The following ROBO1 variants were observed in gnomAD, a reference collection of about 807,000 sequenced individuals.
ROBO1 encodes the protein roundabout guidance receptor 1.
ROBO1 carries 149 observed loss-of-function variants against 195.9 expected under a neutral mutation model. The observed-to-expected ratio is 0.76, with a 90% CI of 0.67 to 0.87. The LOEUF (loss-of-function observed/expected upper bound fraction) is 0.87, where lower values mean the gene tolerates loss of function less well. ROBO1 is among the 40% of genes least tolerant of loss of function. The probability of loss-of-function intolerance (pLI) is 0.00; values close to 1 mark genes in which losing one functional copy is unlikely to be tolerated. For missense variants in ROBO1, 1,933 were observed against 2,068.3 expected (o/e 0.93, Z 1.27); for synonymous variants, 816 against 733.2 (o/e 1.11, Z -1.82).
intron 2 of ROBO1, among the ~76,000 whole-genome samples, chr3:79,482,394 A>G (rs1328028826): frequency 6.6e-6 from 1 of 152,130 alleles, no homozygotes; most frequent in East Asian, 1.9e-4. Context: ...AGTTTCCCCC[A>G]TACTGTTCTC....
intron 2 of ROBO1, among the ~76,000 whole-genome samples, chr3:79,221,926 T>C (rs966960825): frequency 6.6e-6 from 1 of 152,110 alleles, no homozygotes; most frequent in African/African-American, 2.4e-5. Flanking sequence ...TGTTCAAATA[T>C]ACAGAGTTTT....
intron 4 of ROBO1, among the ~76,000 whole-genome samples, chr3:78,908,949 A>G (rs1035600419): frequency 6.6e-6 from 1 of 151,888 alleles, no homozygotes; most frequent in African/African-American, 2.4e-5. Context: ...ATACTGATAA[A>G]AGCACTAAAA....
chr3:79,463,681 T>A lies in ROBO1; in HGVS notation c.88+126143A>T, dbSNP rs1937783909. On this transcript the variant is annotated intron_variant, in intron 2 of 30. Transcript: ENST00000464233. The stretch of plus-strand genomic sequence containing the variant: ...AAACAGTGAATAATCCTTCAGTCCA[T>A]GTTAATAATTGTTCTCATTAAAGGA... Among the ~76,000 whole-genome samples the A allele has an allele frequency of 2.6e-5, 4 of 152,240 alleles. No homozygotes were observed. In the South Asian group the frequency reaches 8.3e-4, roughly 31 times the overall value.
At chr3:78,626,928 A>G (rs1369358982) in intron 26 of ROBO1, among the ~76,000 whole-genome samples, 1 of 152,120 alleles carries the variant, frequency 6.6e-6, no homozygotes, top group Admixed American at 6.6e-5. Flanking sequence ...TTAATTTTAA[A>G]AGACAGGAGA....
intron 5 of ROBO1, among the ~76,000 whole-genome samples, chr3:78,738,113 T>C (rs1408216173): frequency 6.6e-6 from 1 of 152,084 alleles, no homozygotes; most frequent in East Asian, 1.9e-4. Flanking sequence ...GAGAAGCAGA[T>C]GGCGTAGGAA....
intron 2 of ROBO1, among the ~76,000 whole-genome samples, chr3:79,330,273 GTATATATATATATATA>G (rs34794861): frequency 7.3e-6 from 1 of 137,860 alleles, no homozygotes; most frequent in African/African-American, 2.6e-5. Context: ...GTATATATAT[GTATATATATATATATA>G]TATAAAGAAT....
rs984191274 is a variant in ROBO1 at position 79,014,281 on chromosome 3, C to G, written c.173-75354G>C. Among the ~76,000 whole-genome samples the G allele has an allele frequency of 2.6e-5, 4 of 151,986 alleles. No homozygotes were observed. In the South Asian group the frequency reaches 8.3e-4, roughly 32 times the overall value. ...GGTCAGGAGTTTGAGACCAGCCTGG[C>G]CAACACAGTGAAAACCCATCTCTAC... On this transcript the variant is annotated intron_variant, in intron 3 of 30. Transcript: ENST00000464233.
intron 2 of ROBO1, among the ~76,000 whole-genome samples, chr3:79,176,080 G>T (rs1013832340): frequency 5.8e-4 from 88 of 152,236 alleles, no homozygotes; most frequent in African/African-American, 2.0e-3. Context: ...TGAAAAAAGG[G>T]AACTGAGCCA....
At chr3:79,334,311 AAT>A (rs367879037) in intron 2 of ROBO1, among the ~76,000 whole-genome samples, 65 of 131,730 alleles carry the variant, frequency 4.9e-4, no homozygotes, top group South Asian at 9.6e-4. Flanking sequence ...AAAAAAAAAA[AAT>A]ATATATATAT....
chr3:79,579,862 C>T (rs185608471), intron 2 of ROBO1, among the ~76,000 whole-genome samples: 1 of 152,016 alleles, frequency 6.6e-6, no homozygotes, highest in Admixed American at 6.6e-5. Context: ...ACCTATGGCT[C>T]CAGTGAGCAA....
At chr3:79,288,320 G>A (rs1243180359) in intron 2 of ROBO1, among the ~76,000 whole-genome samples, 1 of 152,042 alleles carries the variant, frequency 6.6e-6, no homozygotes, top group Non-Finnish European at 1.5e-5. Flanking sequence ...TACCAGCTTT[G>A]ATGGTATATC....
chr3:78,803,362 T>C (rs1157883529), intron 4 of ROBO1, among the ~76,000 whole-genome samples: 3 of 152,132 alleles, frequency 2.0e-5, no homozygotes, highest in Non-Finnish European at 4.4e-5. Context: ...CTGCACCACA[T>C]ACCCCATACC....
intron 27 of ROBO1, among the ~76,000 whole-genome samples, chr3:78,616,343 G>T (rs1011892193): frequency 1.3e-5 from 2 of 152,086 alleles, no homozygotes; most frequent in African/African-American, 4.8e-5. Flanking sequence ...GGTTTGCATA[G>T]TTTATTACAT....
intron 1 of ROBO1, among the ~76,000 whole-genome samples, chr3:79,643,909 C>A (rs1355196679): frequency 6.6e-6 from 1 of 151,942 alleles, no homozygotes; most frequent in Non-Finnish European, 1.5e-5. Context: ...AATAAAAAAA[C>A]GTAGGATGAA....
chr3:78,896,789 G>A (rs534406702), intron 4 of ROBO1, among the ~76,000 whole-genome samples: 7 of 151,796 alleles, frequency 4.6e-5, no homozygotes, highest in African/African-American at 7.2e-5. Flanking sequence ...TTTCTAGCCA[G>A]TTTCTTGTAT....
In ROBO1 at chr3:79,699,083, T is replaced by TTATA. The variant is rs151108197; in HGVS notation, c.-51+68665_-51+68668dup. ...ATAACTAAGATATATATTTATTAAT[T>TTATA]TATATATATATATATGACATTAACA... is the stretch of plus-strand genomic sequence containing the variant. On this transcript the variant is annotated intron_variant, in intron 1 of 30. Coordinates refer to ENST00000464233, the MANE Select transcript of ROBO1 (RefSeq NM_002941.4). Among the ~76,000 whole-genome samples the TTATA allele has an allele frequency of 4.7e-3, 696 of 147,424 alleles. 3 individuals are homozygous for TTATA. The highest frequency in any genetic ancestry group is 8.4e-3 in the East Asian group (42 of 4,974).
In ROBO1 at chr3:78,944,822, C is replaced by A. The variant is rs368981615; in HGVS notation, c.173-5895G>T. On this transcript the variant is annotated intron_variant, in intron 3 of 30. Transcript: ENST00000464233. Reference sequence around the variant, plus strand: ...TCGGGTCACTCCCACCCTAATACTGCGCTTTTCCAATGGACTTAAAAAACG... The same window carrying A: ...TCGGGTCACTCCCACCCTAATACTGAGCTTTTCCAATGGACTTAAAAAACG... 3.9e-5 allele frequency among the ~76,000 whole-genome samples: 6 copies of A among 152,160 alleles called. No homozygotes were observed. In the East Asian group the frequency reaches 7.7e-4, roughly 20 times the overall value.
At chr3:78,846,476 T>C (rs2033679733) in intron 4 of ROBO1, among the ~76,000 whole-genome samples, 1 of 152,156 alleles carries the variant, frequency 6.6e-6, no homozygotes, top group Non-Finnish European at 1.5e-5. Flanking sequence ...CCAGTAAAGA[T>C]AATCAATATC....
chr3:79,189,201 A>G (rs2081494896), intron 2 of ROBO1, among the ~76,000 whole-genome samples: 2 of 151,828 alleles, frequency 1.3e-5, no homozygotes, highest in African/African-American at 4.8e-5. Context: ...ACACTCATCT[A>G]TTAACATCAG....
Sources: gnomAD v4.1 joint callset for allele counts (sites outside exome capture counted in the v4.1 genomes callset) on GRCh38, gnomAD v4.1.1 for gene constraint, MANE v1.5 for transcripts, NCBI Gene and HGNC (gene_info 2026-07-23, HGNC 2026-07-21) for gene names.